Variants in DIS3L2 observed in about 807,000 individuals in gnomAD.
DIS3L2 encodes DIS3 like 3'-5' exoribonuclease 2.
DIS3L2 carries 34 observed loss-of-function variants against 97.5 expected under a neutral mutation model. The ratio of observed to expected loss-of-function variants is 0.35; its 90% CI spans 0.27 to 0.46. The LOEUF is 0.46. DIS3L2 is among the 20% of genes least tolerant of loss of function. DIS3L2 has a pLI of 1.00. For missense variants in DIS3L2, 1,038 were observed against 1,146.0 expected (o/e 0.91, Z 1.36); for synonymous variants, 435 against 445.2 (o/e 0.98, Z 0.29).
intron 4 of DIS3L2, among the ~76,000 whole-genome samples, chr2:232,026,212 A>T (rs1694652015): frequency 6.6e-6 from 1 of 152,202 alleles, no homozygotes; most frequent in East Asian, 1.9e-4. Flanking sequence ...AATATTGAAA[A>T]GTTAGACATC....
chr2:232,087,464 C>A, intron 5 of DIS3L2, 23 bp from the exon 6 acceptor site: 2 of 1,546,484 alleles, frequency 1.3e-6, no homozygotes, highest in South Asian at 1.2e-5. Context: ...AGTGATTTAG[C>A]AGAATTTTTC....
At chr2:232,134,461 T>C (rs1320626209) in intron 7 of DIS3L2, among the ~76,000 whole-genome samples, 1 of 151,752 alleles carries the variant, frequency 6.6e-6, no homozygotes, top group Non-Finnish European at 1.5e-5. Context: ...GTTTTTAGGG[T>C]GGGGTTAGTG....
In DIS3L2 at chr2:232,336,055, A is replaced by G. The variant is rs565479241; in HGVS notation, c.2496+181A>G. ...CCTCCTGTGGGTCCTGCTTTCTGGCACCACCTTCCCTTCCTTGGGGGCAAC... is the reference window on the plus strand; with the variant it reads ...CCTCCTGTGGGTCCTGCTTTCTGGCGCCACCTTCCCTTCCTTGGGGGCAAC... On this transcript the variant is annotated intron_variant, in intron 20 of 20. Coordinates refer to ENST00000325385, the MANE Select transcript of DIS3L2 (RefSeq NM_152383.5). 4 of 1,530,712 alleles carry G rather than the reference A, an allele frequency of 2.6e-6. No homozygotes were observed. In the South Asian group the frequency reaches 5.0e-5, roughly 19 times the overall value. 94.8% of individuals were successfully genotyped at this position (1,530,712 alleles called of 1,614,324 possible).
Position 232,121,689 on chromosome 2 carries a change from C to G in DIS3L2, c.602-8930C>G, listed in dbSNP as rs75091181. On this transcript the variant is annotated intron_variant, in intron 6 of 20. Coordinates refer to ENST00000325385, the MANE Select transcript of DIS3L2 (RefSeq NM_152383.5). Reference sequence around the variant, plus strand: ...CTCGTGAAGCTACAGAGTACTGGCCCGCAACCCCAGAGGCTCCGAGTCTGT... The same window carrying G: ...CTCGTGAAGCTACAGAGTACTGGCCGGCAACCCCAGAGGCTCCGAGTCTGT... Among the ~76,000 whole-genome samples the G allele has an allele frequency of 7.7e-4, 117 of 152,206 alleles. No individual in the cohort carries two copies. In the East Asian group the frequency reaches 0.021, roughly 28 times the overall value.
At chr2:232,316,142 C>T (rs1423179858) in intron 14 of DIS3L2, among the ~76,000 whole-genome samples, 5 of 152,184 alleles carry the variant, frequency 3.3e-5, no homozygotes, top group Non-Finnish European at 4.4e-5. Context: ...CCTGGCATGC[C>T]ACTGCGGCTT....
intron 6 of DIS3L2, among the ~76,000 whole-genome samples, chr2:232,088,728 G>A (rs1462436068): frequency 6.6e-6 from 1 of 152,130 alleles, no homozygotes; most frequent in South Asian, 2.1e-4. Context: ...CAGAAAAAAA[G>A]CAGTTGTAAA....
intron 8 of DIS3L2, among the ~76,000 whole-genome samples, chr2:232,148,456 A>G (rs1220135113): frequency 6.6e-6 from 1 of 152,192 alleles, no homozygotes. Flanking sequence ...ATGCTGCTGT[A>G]AAATAGATCT....
intron 12 of DIS3L2, among the ~76,000 whole-genome samples, chr2:232,253,740 TA>T (rs532540754): frequency 1.3e-5 from 2 of 151,802 alleles, no homozygotes; most frequent in Non-Finnish European, 2.9e-5. Context: ...AAATAATGCC[TA>T]AAAAAAATCA....
chr2:231,999,739 T>C (rs1263876294), intron 1 of DIS3L2, among the ~76,000 whole-genome samples: 5 of 152,230 alleles, frequency 3.3e-5, no homozygotes, highest in Admixed American at 3.3e-4. Flanking sequence ...TACCCCACAG[T>C]TACTTGGGTT....
intron 9 of DIS3L2, among the ~76,000 whole-genome samples, chr2:232,204,150 A>G (rs61089121): frequency 0.023 from 3,432 of 152,264 alleles, 124 homozygotes; most frequent in African/African-American, 0.077. Context: ...GGTAGGGGCC[A>G]TGACCAAAAT....
chr2:232,242,359 A>T (rs1205810203), intron 11 of DIS3L2, among the ~76,000 whole-genome samples: 1 of 152,078 alleles, frequency 6.6e-6, no homozygotes, highest in Non-Finnish European at 1.5e-5. Flanking sequence ...GGCCTGAGGG[A>T]GTGTGGGTGG....
intron 9 of DIS3L2, among the ~76,000 whole-genome samples, chr2:232,184,518 G>A (rs1691382467): frequency 6.6e-6 from 1 of 152,088 alleles, no homozygotes; most frequent in Non-Finnish European, 1.5e-5. Context: ...GGGCGTGGTG[G>A]CATGTGCCTG....
chr2:232,030,811 TTTTA>T (rs1694784785), intron 5 of DIS3L2, among the ~76,000 whole-genome samples: 1 of 152,158 alleles, frequency 6.6e-6, no homozygotes, highest in African/African-American at 2.4e-5. Context: ...GGCTTTTTTG[TTTTA>T]TTTATTTGAA....
intron 13 of DIS3L2, 36 bp from the exon 14 acceptor site, chr2:232,300,004 G>C: frequency 5.6e-6 from 9 of 1,597,814 alleles, no homozygotes; most frequent in Non-Finnish European, 7.7e-6. Flanking sequence ...AGAGCATGCT[G>C]CCTAAAACTT....
At chr2:232,258,800 A>T (rs913285959) in intron 12 of DIS3L2, among the ~76,000 whole-genome samples, 1 of 152,172 alleles carries the variant, frequency 6.6e-6, no homozygotes, top group Admixed American at 6.5e-5. Context: ...TGTTCCATAC[A>T]GAGAGGCCTG....
At position 232,293,761 on chromosome 2, in the gene DIS3L2, G is replaced by T. The variant is rs934250871; in HGVS notation, c.1660-6279G>T. On this transcript the variant is annotated intron_variant, in intron 13 of 20. Transcript: ENST00000325385. The surrounding 1 kb of genome is among the most constrained non-coding windows in gnomAD (Gnocchi z 4.6). ...AACCAACCTTCAGCGAGCCTGGGCT[G>T]TGTTGAATTCACTTTCATATCTCCA... Among the ~76,000 whole-genome samples the T allele has an allele frequency of 1.3e-5, 2 of 152,230 alleles. No homozygotes were observed. The highest frequency in any genetic ancestry group is 2.9e-5 in the Non-Finnish European group (2 of 68,048).
intron 8 of DIS3L2, among the ~76,000 whole-genome samples, chr2:232,162,859 G>A (rs548270786): frequency 6.6e-6 from 1 of 152,310 alleles, no homozygotes; most frequent in East Asian, 1.9e-4. Context: ...CATAATGTTA[G>A]CATTGTCCTG....
At chr2:231,971,794 G>T (rs545579120) in intron 1 of DIS3L2, among the ~76,000 whole-genome samples, 1 of 150,556 alleles carries the variant, frequency 6.6e-6, no homozygotes, top group African/African-American at 2.4e-5. Flanking sequence ...GTTGGCCCAG[G>T]ATGGTCTCAA....
intron 1 of DIS3L2, among the ~76,000 whole-genome samples, chr2:232,007,443 G>A (rs1694084685): frequency 6.6e-6 from 1 of 152,082 alleles, no homozygotes; most frequent in African/African-American, 2.4e-5. Flanking sequence ...TCAAGTGTTT[G>A]TCCTGTCTCA....
Sources: allele counts gnomAD v4.1 joint callset (sites outside exome capture counted in the v4.1 genomes callset), GRCh38; gene constraint gnomAD v4.1.1; non-coding constraint Gnocchi (gnomAD v3.1); transcripts MANE v1.5; gene names NCBI Gene and HGNC (gene_info 2026-07-23, HGNC 2026-07-21).